The following EVA1C variants were observed in gnomAD, a reference collection of about 807,000 sequenced individuals.
EVA1C encodes protein eva-1 homolog C.
Under a neutral mutation model 45.4 loss-of-function variants are expected in EVA1C, and 25 were observed. That is an observed-to-expected ratio of 0.55 (90% confidence interval 0.40 to 0.77). The LOEUF is 0.77. Ranked by LOEUF, EVA1C falls within the 30% of genes least tolerant of loss-of-function variation. The pLI is 0.00. For synonymous variants in EVA1C, 190 were observed against 221.2 expected (o/e 0.86, Z 1.25); for missense variants, 479 against 554.8 (o/e 0.86, Z 1.37).
intron 4 of EVA1C, among the ~76,000 whole-genome samples, chr21:32,482,051 C>T (rs1048813651): frequency 4.6e-5 from 7 of 152,118 alleles, no homozygotes; most frequent in Non-Finnish European, 1.0e-4. Context: ...CATGCGAGGG[C>T]GCTGGCATTG....
chr21:32,455,707 T>G (rs2035754744), intron 2 of EVA1C, among the ~76,000 whole-genome samples: 1 of 152,160 alleles, frequency 6.6e-6, no homozygotes, highest in Admixed American at 6.6e-5. Context: ...GGGCACCACC[T>G]GCACCATTCC....
chr21:32,433,538 TGCGGGAGAAACATC>T (rs769891975), intron 1 of EVA1C, among the ~76,000 whole-genome samples: 3 of 152,236 alleles, frequency 2.0e-5, no homozygotes, highest in Non-Finnish European at 4.4e-5. Context: ...TGCTAAGTGC[TGCGGGAGAAACATC>T]GCGTTGTTGT....
chr21:32,514,302 T>C (rs762694046), intron 7 of EVA1C, among the ~76,000 whole-genome samples: 26 of 152,220 alleles, frequency 1.7e-4, no homozygotes, highest in Non-Finnish European at 3.5e-4. Flanking sequence ...TTCACATATA[T>C]ACTTCGTACA....
At chr21:32,448,894 GA>G (rs971972500) in intron 1 of EVA1C, among the ~76,000 whole-genome samples, 3 of 128,970 alleles carry the variant, frequency 2.3e-5, no homozygotes, top group Non-Finnish European at 5.1e-5. Flanking sequence ...GGGTGACAAA[GA>G]AAAAAAAAGA....
chr21:32,500,499 C>T (rs1226318099), intron 5 of EVA1C, among the ~76,000 whole-genome samples: 1 of 152,068 alleles, frequency 6.6e-6, no homozygotes, highest in East Asian at 1.9e-4. Flanking sequence ...AATTCTATTA[C>T]ATGTGAATAC....
chr21:32,510,917 G>A (rs1281952881), intron 7 of EVA1C, among the ~76,000 whole-genome samples: 1 of 152,172 alleles, frequency 6.6e-6, no homozygotes, highest in Non-Finnish European at 1.5e-5. Context: ...GTACATGCCT[G>A]TAGTCCCAGC....
intron 3 of EVA1C, among the ~76,000 whole-genome samples, chr21:32,460,469 G>C (rs1389122627): frequency 6.6e-6 from 1 of 152,174 alleles, no homozygotes; most frequent in Non-Finnish European, 1.5e-5. Context: ...CACTGCATCA[G>C]ACTGTGAGCA....
chr21:32,413,489 G>T lies in EVA1C; in HGVS notation c.160+476G>T, dbSNP rs149590401. Among the ~76,000 whole-genome samples, 305 of 152,348 alleles carry T rather than the reference G, an allele frequency of 2.0e-3. 2 individuals carry two copies. The highest frequency in any genetic ancestry group is 0.016 in the Admixed American group (244 of 15,300). On this transcript the variant is annotated intron_variant, in intron 1 of 7. Coordinates refer to ENST00000300255, the MANE Select transcript of EVA1C (RefSeq NM_058187.5). ...GCAGGTAGAAAGGGAAGCCCGCGGG[G>T]ACTGGAGGTCTGGTGGAAAGGCAGT...
intron 4 of EVA1C, among the ~76,000 whole-genome samples, chr21:32,478,036 G>A (rs568258782): frequency 2.0e-5 from 3 of 147,394 alleles, no homozygotes; most frequent in African/African-American, 5.0e-5. Context: ...TCTGGTTCAC[G>A]GTGGGAGGAG....
At chr21:32,427,353 A>T in intron 1 of EVA1C, among the ~76,000 whole-genome samples, 1 of 152,240 alleles carries the variant, frequency 6.6e-6, no homozygotes, top group East Asian at 1.9e-4. Flanking sequence ...ACGCAGGCCT[A>T]AAGACATTAT....
intron 1 of EVA1C, among the ~76,000 whole-genome samples, chr21:32,442,035 AT>A: frequency 6.6e-6 from 1 of 152,110 alleles, no homozygotes; most frequent in East Asian, 1.9e-4. Flanking sequence ...CCCTCTTTCC[AT>A]TGCCCAGAAT....
intron 1 of EVA1C, among the ~76,000 whole-genome samples, chr21:32,443,664 A>G (rs1353386683): frequency 6.6e-6 from 1 of 152,234 alleles, no homozygotes; most frequent in Non-Finnish European, 1.5e-5. Context: ...ACAGCAAAAC[A>G]TGAAGCCACC....
chr21:32,488,143 A>G (rs904160413), intron 4 of EVA1C, among the ~76,000 whole-genome samples: 6 of 152,242 alleles, frequency 3.9e-5, no homozygotes, highest in Admixed American at 3.9e-4. Flanking sequence ...TAATATTCAA[A>G]TATGCAAGGA....
chr21:32,437,270 C>T (rs560813811), intron 1 of EVA1C, among the ~76,000 whole-genome samples: 1 of 152,248 alleles, frequency 6.6e-6, no homozygotes, highest in African/African-American at 2.4e-5. Context: ...CAGCATGGGG[C>T]CCTGTGTGAC....
chr21:32,421,689 T>C (rs1601203884), intron 1 of EVA1C, among the ~76,000 whole-genome samples: 1 of 152,306 alleles, frequency 6.6e-6, no homozygotes, highest in South Asian at 2.1e-4. Flanking sequence ...GATCACACAA[T>C]TCAAAATTAC....
intron 1 of EVA1C, among the ~76,000 whole-genome samples, chr21:32,434,567 G>C (rs1211144983): frequency 1.3e-5 from 2 of 151,656 alleles, no homozygotes; most frequent in Non-Finnish European, 2.9e-5. Context: ...CTCCAGCCTG[G>C]GCGACAGAGC....
chr21:32,467,667 G>A, intron 3 of EVA1C, 29 bp from the exon 4 acceptor site: 2 of 1,587,786 alleles, frequency 1.3e-6, no homozygotes, highest in Non-Finnish European at 1.7e-6. Flanking sequence ...GGAAGCTGAT[G>A]GTGCCTTCAA....
intron 7 of EVA1C, among the ~76,000 whole-genome samples, chr21:32,512,202 C>T (rs150918266): frequency 6.6e-6 from 1 of 152,008 alleles, no homozygotes; most frequent in Admixed American, 6.6e-5. Context: ...GTCAAGGCCT[C>T]GCTCCTATAC....
rs184506154 is a variant in EVA1C at position 32,482,428 on chromosome 21, C to T, written c.635-12599C>T. On this transcript the variant is annotated intron_variant, in intron 4 of 7. Transcript: ENST00000300255. ...TGCTGGGCAAACAGTAGTGAGCTCA[C>T]CCTCTTCACAGAAGAACTGAACCCC... is the stretch of plus-strand genomic sequence containing the variant. 2.0e-5 allele frequency among the ~76,000 whole-genome samples: 3 copies of T among 152,280 alleles called. No homozygotes were observed. The East Asian group carries it at 5.8e-4, about 29-fold the overall frequency.
Sources: gnomAD v4.1 joint callset for allele counts (sites outside exome capture counted in the v4.1 genomes callset) on GRCh38, gnomAD v4.1.1 for gene constraint, MANE v1.5 for transcripts, NCBI Gene and HGNC (gene_info 2026-07-23, HGNC 2026-07-21) for gene names.